The following RALGAPA2 variants were observed in gnomAD, a reference collection of about 807,000 sequenced individuals.
The protein encoded by RALGAPA2 is ral GTPase-activating protein subunit alpha-2.
RALGAPA2 carries 139 observed loss-of-function variants against 230.4 expected under a neutral mutation model. That is an observed-to-expected ratio of 0.60 (90% CI 0.53 to 0.69). The LOEUF is 0.69. RALGAPA2 is among the 30% of genes least tolerant of loss of function. The pLI, the probability that RALGAPA2 is intolerant of heterozygous loss-of-function variation, is 0.00. For synonymous variants in RALGAPA2, 847 were observed against 837.8 expected (o/e 1.01, Z -0.19); for missense variants, 2,163 against 2,276.0 (o/e 0.95, Z 1.01).
chr20:20,585,449 TA>T (rs201973805), intron 18 of RALGAPA2, among the ~76,000 whole-genome samples: 1 of 151,284 alleles, frequency 6.6e-6, no homozygotes, highest in Non-Finnish European at 1.5e-5. Flanking sequence ...TTCACAGGAT[TA>T]AAAAAAAATC....
chr20:20,487,648 C>T (rs534583064), intron 36 of RALGAPA2, among the ~76,000 whole-genome samples: 1 of 152,228 alleles, frequency 6.6e-6, no homozygotes, highest in South Asian at 2.1e-4. Flanking sequence ...GTAGCTCATA[C>T]CTGTAATATC....
chr20:20,633,397 A>G (rs2066752964), intron 9 of RALGAPA2, among the ~76,000 whole-genome samples: 1 of 152,126 alleles, frequency 6.6e-6, no homozygotes, highest in South Asian at 2.1e-4. Context: ...GGCCTCCCAA[A>G]GTGCTGGGAT....
intron 1 of RALGAPA2, among the ~76,000 whole-genome samples, chr20:20,683,142 T>C (rs1192545457): frequency 6.6e-6 from 1 of 152,178 alleles, no homozygotes; most frequent in African/African-American, 2.4e-5. Flanking sequence ...ATCCCCAGTA[T>C]GCCATTCTGT....
At chr20:20,489,234 AAAG>A (rs2061988796) in intron 36 of RALGAPA2, among the ~76,000 whole-genome samples, 1 of 152,214 alleles carries the variant, frequency 6.6e-6, no homozygotes, top group Non-Finnish European at 1.5e-5. Flanking sequence ...AAATGGGAGC[AAAG>A]AAGGAGGAGA....
chr20:20,512,045 G>A (rs975866520), intron 32 of RALGAPA2, among the ~76,000 whole-genome samples: 16 of 151,964 alleles, frequency 1.1e-4, no homozygotes, highest in African/African-American at 2.7e-4. Context: ...CAAAAAAGCC[G>A]GGCATGGTGG....
At chr20:20,599,561 G>A (rs2065569201) in intron 16 of RALGAPA2, among the ~76,000 whole-genome samples, 1 of 152,172 alleles carries the variant, frequency 6.6e-6, no homozygotes, top group Non-Finnish European at 1.5e-5. Context: ...AGATTTACTT[G>A]CTGCTTTACT....
chr20:20,591,684 CCA>C (rs148734336), intron 16 of RALGAPA2, among the ~76,000 whole-genome samples: 119 of 146,716 alleles, frequency 8.1e-4, no homozygotes, highest in East Asian at 2.0e-3. Context: ...GAACAGAAAA[CCA>C]CACACACACA....
intron 16 of RALGAPA2, among the ~76,000 whole-genome samples, chr20:20,594,046 G>A (rs932290546): frequency 3.3e-5 from 5 of 152,158 alleles, no homozygotes; most frequent in African/African-American, 1.2e-4. Context: ...GTGATTTAGT[G>A]GGAAGGAAGG....
chr20:20,488,573 T>C (rs568882086), intron 36 of RALGAPA2, among the ~76,000 whole-genome samples: 2 of 152,234 alleles, frequency 1.3e-5, no homozygotes, highest in African/African-American at 4.8e-5. Context: ...TAAGAACTGT[T>C]TGATTATCAG....
chr20:20,576,971 ATTAG>A (rs760482029), intron 20 of RALGAPA2, among the ~76,000 whole-genome samples: 4 of 152,108 alleles, frequency 2.6e-5, no homozygotes, highest in Non-Finnish European at 5.9e-5. Context: ...TCTCAGCTTT[ATTAG>A]TTCCTTTTTT....
chr20:20,509,137 T>A (rs938239656), intron 33 of RALGAPA2, among the ~76,000 whole-genome samples: 1 of 152,174 alleles, frequency 6.6e-6, no homozygotes, highest in African/African-American at 2.4e-5. Context: ...GAGAGTGTGG[T>A]GAACCCCTGA....
intron 37 of RALGAPA2, among the ~76,000 whole-genome samples, chr20:20,450,546 A>C (rs940312265): frequency 1.3e-5 from 2 of 152,238 alleles, no homozygotes; most frequent in African/African-American, 4.8e-5. Context: ...AGTGTGCACA[A>C]ATGAGAAACA....
chr20:20,512,517 T>C lies in RALGAPA2; in HGVS notation c.4852A>G (p.Arg1618Gly). 2 of 1,596,106 alleles carry C rather than the reference T, an allele frequency of 1.3e-6. No individual in the cohort carries two copies. The highest frequency in any genetic ancestry group is 1.7e-6 in the Non-Finnish European group (2 of 1,172,904). Residue 1618 changes from arginine to glycine, a missense_variant, in exon 32 of 40, where the codon AGA becomes GGA. By Grantham distance (125) the Arg-to-Gly change is moderately radical. Coordinates refer to ENST00000202677, the MANE Select transcript of RALGAPA2 (RefSeq NM_020343.4). The stretch of plus-strand genomic sequence containing the variant: ...AGGTCTAGCTTGGATTGTTACCTTC[T>C]GTCCCAAGAATTCATTCCCAAGTCA... Reference protein sequence around the residue: ...LDDLGMNSWDRRKNFHLLKKN... With the variant: ...LDDLGMNSWDGRKNFHLLKKN...
chr20:20,681,265 A>G (rs1338208920), intron 1 of RALGAPA2, among the ~76,000 whole-genome samples: 1 of 152,188 alleles, frequency 6.6e-6, no homozygotes, highest in Non-Finnish European at 1.5e-5. Flanking sequence ...CCCCACCAAC[A>G]TAACTCTCTG....
At chr20:20,644,875 C>T (rs975160387) in intron 4 of RALGAPA2, among the ~76,000 whole-genome samples, 1 of 152,174 alleles carries the variant, frequency 6.6e-6, no homozygotes, top group Non-Finnish European at 1.5e-5. Context: ...AGTTTAACAT[C>T]TACTTCATTA....
At chr20:20,494,240 AAG>A (rs1193815035) in intron 36 of RALGAPA2, among the ~76,000 whole-genome samples, 2 of 152,208 alleles carry the variant, frequency 1.3e-5, no homozygotes, top group South Asian at 2.1e-4. Context: ...AAAGCTTTAA[AAG>A]AGAGTTTTCA....
intron 10 of RALGAPA2, among the ~76,000 whole-genome samples, chr20:20,620,975 T>C (rs2066302537): frequency 6.6e-6 from 1 of 152,060 alleles, no homozygotes; most frequent in African/African-American, 2.4e-5. Context: ...ACCCCATCTC[T>C]ACTAAAAATA....
intron 23 of RALGAPA2, among the ~76,000 whole-genome samples, chr20:20,551,768 T>G (rs2063931455): frequency 6.6e-6 from 1 of 152,234 alleles, no homozygotes; most frequent in South Asian, 2.1e-4. Flanking sequence ...TCATTTTGCA[T>G]AGTGTTGTTT....
rs377139242 is a variant in RALGAPA2 at position 20,524,892 on chromosome 20, C to T, written c.3700G>A (p.Val1234Met). 46 of 1,605,654 alleles carry T rather than the reference C, an allele frequency of 2.9e-5. No individual in the cohort carries two copies. Among genetic ancestry groups the T allele is most frequent in the South Asian group, 7.9e-5 (7 of 89,060 alleles). ...GGTAAAAGAAAAGCAACTGTGGCCA[C>T]GAGGATCTGCATAAAAGATAAATCC... ...SLPRKMAEILVATVAFLLPSA... is the reference protein window; with the variant it reads ...SLPRKMAEILMATVAFLLPSA... The change falls in exon 29 of 40, where the codon GTG becomes ATG. Residue 1234 changes from valine (V) to methionine (M), a missense_variant. Transcript: ENST00000202677.
Sources: allele counts gnomAD v4.1 joint callset (sites outside exome capture counted in the v4.1 genomes callset), GRCh38; gene constraint gnomAD v4.1.1; transcripts MANE v1.5; gene names NCBI Gene and HGNC (gene_info 2026-07-23, HGNC 2026-07-21).